Variants in C14orf39 observed in about 807,000 individuals in gnomAD.
C14orf39 encodes protein SIX6OS1.
A neutral mutation model predicts 85.6 loss-of-function variants in C14orf39; 66 were observed. The observed-to-expected ratio is 0.77, with a 90% CI of 0.63 to 0.95. The LOEUF is 0.95. Ranked by LOEUF, C14orf39 falls within the 40% of genes least tolerant of loss-of-function variation. The probability of loss-of-function intolerance (pLI) is 0.00; values close to 1 mark genes in which losing one functional copy is unlikely to be tolerated. For synonymous variants in C14orf39, 242 were observed against 214.0 expected (o/e 1.13, Z -1.14); for missense variants, 735 against 663.9 (o/e 1.11, Z -1.18).
chr14:60,471,933 C>T (rs1242896391), intron 5 of C14orf39, among the ~76,000 whole-genome samples, 194 bp from the exon 6 acceptor site: 1 of 151,938 alleles, frequency 6.6e-6, no homozygotes, highest in Non-Finnish European at 1.5e-5. Context: ...TTCTTCATTA[C>T]CTGAGTGATT....
rs1479987283 is a variant in C14orf39 at position 60,484,732 on chromosome 14, G to A, written c.106+149C>T. ...ACTATAGTTAAGTCACATCTATTTC[G>A]TCTAGGGTAAATAGTTTATTTGTCG... On this transcript the variant is annotated intron_variant, in intron 3 of 17. Transcript: ENST00000321731. The surrounding 1 kb of genome is among the most constrained non-coding windows in gnomAD (Gnocchi z 4.2). 7 of 560,124 alleles carry A rather than the reference G, an allele frequency of 1.2e-5. No homozygotes were observed. Among genetic ancestry groups the A allele is most frequent in the Middle Eastern group, 4.7e-4 (1 of 2,148 alleles). The allele number at this position is 560,124 out of a possible 1,614,324, so 34.7% of individuals were successfully genotyped here. A position where few individuals can be genotyped will look rare whatever the true frequency, so the allele number is the denominator to read the frequency against.
At chr14:60,437,744 G>C (rs918259256) in intron 17 of C14orf39, among the ~76,000 whole-genome samples, 9 of 151,984 alleles carry the variant, frequency 5.9e-5, no homozygotes, top group Non-Finnish European at 1.3e-4. Flanking sequence ...AAGAGATACT[G>C]TATAAGTTAA....
At chr14:60,492,430 A>T (rs1020677068) in intron 2 of C14orf39, among the ~76,000 whole-genome samples, 1 of 152,154 alleles carries the variant, frequency 6.6e-6, no homozygotes, top group African/African-American at 2.4e-5. Context: ...GGAATCCTTC[A>T]GTAGTTATAA....
In C14orf39 at chr14:60,457,072, C is replaced by A; in HGVS notation, c.1203G>T (p.Gly401=). The A allele has an allele frequency of 1.3e-6, 2 of 1,597,156 alleles. No homozygotes were observed. The highest frequency in any genetic ancestry group is 1.7e-6 in the Non-Finnish European group (2 of 1,172,782). Residue 401 remains glycine (G), a synonymous_variant, in exon 15 of 18, where the codon GGG becomes GGT. Coordinates refer to ENST00000321731, the MANE Select transcript of C14orf39 (RefSeq NM_174978.3). ...TSQAIYTEHF[G]KSVENDSDEV... is the part of the protein sequence containing the mutation. ...CATCACTATCATTTTCTACTGACTT[C>A]CCAAAATGTTCAGTATATATAGCCT... is the stretch of plus-strand genomic sequence containing the variant.
chr14:60,461,587 T>G lies in C14orf39; in HGVS notation c.979A>C (p.Asn327His), dbSNP rs754199602. The G allele has an allele frequency of 1.3e-6, 2 of 1,544,874 alleles. No homozygotes were observed. The highest frequency in any genetic ancestry group is 1.7e-6 in the Non-Finnish European group (2 of 1,150,884). Residue 327 changes from asparagine (N) to histidine (H), a missense_variant, in exon 12 of 18, where the codon AAT becomes CAT. Coordinates refer to ENST00000321731, the MANE Select transcript of C14orf39 (RefSeq NM_174978.3). ...RQKENDTQIF[N>H]DSAVDNHSKC... ...GAATGGTTATCCACAGCAGAGTCAT[T>G]AAATATCTGAAAGAAAGAAATTAAG...
chr14:60,513,442 G>A (rs1893322807), intron 1 of C14orf39, among the ~76,000 whole-genome samples: 2 of 152,226 alleles, frequency 1.3e-5, no homozygotes, highest in African/African-American at 4.8e-5. Context: ...ACATGAGATT[G>A]AGTGCCTCCT....
intron 17 of C14orf39, among the ~76,000 whole-genome samples, chr14:60,441,054 T>A (rs1040779359): frequency 6.6e-6 from 1 of 152,106 alleles, no homozygotes; most frequent in African/African-American, 2.4e-5. Flanking sequence ...AAAATTAACA[T>A]CAAGCCTGGG....
chr14:60,479,769 T>C (rs1021077987), intron 4 of C14orf39, among the ~76,000 whole-genome samples: 1 of 152,204 alleles, frequency 6.6e-6, no homozygotes, highest in Non-Finnish European at 1.5e-5. Flanking sequence ...TCCTTTACTG[T>C]TAACATCTTC....
intron 16 of C14orf39, among the ~76,000 whole-genome samples, chr14:60,450,682 G>C (rs1407749543): frequency 6.6e-6 from 1 of 152,160 alleles, no homozygotes; most frequent in East Asian, 1.9e-4. Context: ...CGGGTAGCCA[G>C]GTAGTGGTTA....
At chr14:60,449,708 G>C (rs1344157495) in intron 16 of C14orf39, among the ~76,000 whole-genome samples, 4 of 151,874 alleles carry the variant, frequency 2.6e-5, no homozygotes, top group African/African-American at 9.7e-5. Flanking sequence ...CCATTTCACT[G>C]ATTTCTCTTA....
intron 11 of C14orf39, among the ~76,000 whole-genome samples, chr14:60,465,509 G>T (rs944377844): frequency 2.6e-5 from 4 of 152,036 alleles, no homozygotes; most frequent in African/African-American, 9.7e-5. Flanking sequence ...AGATACAGTG[G>T]ATATAAGATG....
chr14:60,452,206 T>A (rs1414637695), intron 16 of C14orf39, among the ~76,000 whole-genome samples: 1 of 148,266 alleles, frequency 6.7e-6, no homozygotes, highest in Non-Finnish European at 1.5e-5. Flanking sequence ...AGCCTCATGG[T>A]AACCACAATC....
At position 60,482,879 on chromosome 14, in the gene C14orf39, G is replaced by GGTGTGTGTGTGTGTGT. The variant is rs60206941; in HGVS notation, c.233+796_233+811dup. On this transcript the variant is annotated intron_variant, in intron 4 of 17. Coordinates refer to ENST00000321731, the MANE Select transcript of C14orf39 (RefSeq NM_174978.3). ...AAAAGGAAATACAGCTATATAGACA[G>GGTGTGTGTGTGTGTGT]GTGTGTGTGTGTGTGTGTGTGTGTG... 3.0e-3 allele frequency among the ~76,000 whole-genome samples: 433 copies of GGTGTGTGTGTGTGTGT among 146,742 alleles called. 3 individuals are homozygous for GGTGTGTGTGTGTGTGT. The highest frequency in any genetic ancestry group is 5.3e-3 in the South Asian group (24 of 4,548).
chr14:60,439,602 C>T (rs1890413868), intron 17 of C14orf39, among the ~76,000 whole-genome samples: 1 of 152,146 alleles, frequency 6.6e-6, no homozygotes, highest in Non-Finnish European at 1.5e-5. Context: ...AGTTTCATTT[C>T]AGCTACACTG....
At chr14:60,446,420 C>G (rs567169840) in intron 16 of C14orf39, among the ~76,000 whole-genome samples, 2 of 152,188 alleles carry the variant, frequency 1.3e-5, no homozygotes, top group East Asian at 1.9e-4. Context: ...ACTAAAAACA[C>G]CTCTATGCAA....
At chr14:60,440,786 A>G (rs1489287935) in intron 17 of C14orf39, among the ~76,000 whole-genome samples, 2 of 152,086 alleles carry the variant, frequency 1.3e-5, no homozygotes, top group Non-Finnish European at 2.9e-5. Context: ...CTCCTTCCTT[A>G]TTCCATAAAT....
At position 60,436,713 on chromosome 14, in the gene C14orf39, T is replaced by C; in HGVS notation, c.*132A>G. On this transcript the variant is annotated 3_prime_UTR_variant, in exon 18 of 18. Coordinates refer to ENST00000321731, the MANE Select transcript of C14orf39 (RefSeq NM_174978.3). ...TTCAGTATTTCAATATTTCAATAAA[T>C]ATAATCAAATAATGTAAACATTACT... The C allele has an allele frequency of 1.0e-5, 6 of 586,482 alleles. No individual in the cohort carries two copies. The highest frequency in any genetic ancestry group is 1.7e-5 in the Non-Finnish European group (6 of 349,406). The allele number at this position is 586,482 out of a possible 1,614,324, so 36.3% of individuals were successfully genotyped here.
intron 1 of C14orf39, among the ~76,000 whole-genome samples, chr14:60,504,054 A>G (rs899675389): frequency 6.6e-6 from 1 of 152,200 alleles, no homozygotes; most frequent in African/African-American, 2.4e-5. Context: ...GCCTGCACCC[A>G]CTAGATGCCA....
At chr14:60,498,697 T>C (rs771947556) in intron 2 of C14orf39, among the ~76,000 whole-genome samples, 26 of 152,250 alleles carry the variant, frequency 1.7e-4, no homozygotes, top group Non-Finnish European at 3.2e-4. Flanking sequence ...TCAAATCTCA[T>C]GTCTGCTTTT....
Sources: allele counts gnomAD v4.1 joint callset (sites outside exome capture counted in the v4.1 genomes callset), GRCh38; gene constraint gnomAD v4.1.1; non-coding constraint Gnocchi (gnomAD v3.1); transcripts MANE v1.5; gene names NCBI Gene and HGNC (gene_info 2026-07-23, HGNC 2026-07-21).